Variants in RRP15 observed in about 807,000 individuals in gnomAD.
The protein encoded by RRP15 is RRP15-like protein.
In RRP15, 18 loss-of-function variants were observed where a neutral mutation model predicts 27.1. The observed-to-expected ratio is 0.66, with a 90% CI of 0.46 to 0.98. The LOEUF is 0.98. Ranked by LOEUF, RRP15 falls within the 50% of genes least tolerant of loss-of-function variation. RRP15 has a pLI of 0.00. For synonymous variants in RRP15, 107 were observed against 109.4 expected (o/e 0.98, Z 0.14); for missense variants, 359 against 337.8 (o/e 1.06, Z -0.49).
intron 1 of RRP15, among the ~76,000 whole-genome samples, chr1:218,286,243 A>T (rs1248859856): frequency 6.6e-6 from 1 of 152,160 alleles, no homozygotes; most frequent in African/African-American, 2.4e-5. Context: ...AGTATATAAT[A>T]TCCAAAATCC....
chr1:218,297,296 C>T (rs1655736365), intron 1 of RRP15, among the ~76,000 whole-genome samples: 1 of 152,124 alleles, frequency 6.6e-6, no homozygotes, highest in Non-Finnish European at 1.5e-5. Flanking sequence ...ATTCAAGATT[C>T]CCAGTACCAG....
chr1:218,302,396 A>G lies in RRP15; in HGVS notation c.242A>G (p.Asp81Gly). Residue 81 changes from aspartate (D) to glycine (G), a missense_variant, in exon 2 of 5, where the codon GAT becomes GGT. Coordinates refer to ENST00000366932, the MANE Select transcript of RRP15 (RefSeq NM_016052.4). ...AEPCDKENEN[D>G]GESSVGTNMG... is the part of the protein sequence containing the mutation. ...CCCTGTGACAAAGAAAATGAAAATG[A>G]TGGAGAATCAAGTGTTGGGACTAAT... 1 of 1,614,154 alleles carries G rather than the reference A, an allele frequency of 6.2e-7. No homozygotes were observed. The highest frequency in any genetic ancestry group is 8.5e-7 in the Non-Finnish European group (1 of 1,180,014).
chr1:218,302,416 A>T lies in RRP15; in HGVS notation c.262A>T (p.Thr88Ser). 6.2e-7 allele frequency: 1 copy of T among 1,614,060 alleles called. No homozygotes were observed. Among genetic ancestry groups the T allele is most frequent in the Non-Finnish European group, 8.5e-7 (1 of 1,179,976 alleles). ...NENDGESSVGTNMGWADAMAK... is the reference protein window; with the variant it reads ...NENDGESSVGSNMGWADAMAK... ...AAATGATGGAGAATCAAGTGTTGGG[A>T]CTAATATGGGCTGGGCAGATGCTAT... Residue 88 changes from threonine to serine, a missense_variant, in exon 2 of 5, where the codon ACT becomes TCT. Transcript: ENST00000366932.
intron 4 of RRP15, among the ~76,000 whole-genome samples, chr1:218,318,024 C>T: frequency 6.6e-6 from 1 of 152,000 alleles, no homozygotes. Flanking sequence ...CGTGAACTCC[C>T]AGCTCTTTTA....
intron 4 of RRP15, among the ~76,000 whole-genome samples, chr1:218,309,752 G>A (rs1655963712): frequency 1.4e-5 from 2 of 145,054 alleles, no homozygotes. Flanking sequence ...TATCCTTGTT[G>A]TGTCCTTTAA....
At chr1:218,308,260 C>CG (rs1157547160) in intron 4 of RRP15, among the ~76,000 whole-genome samples, 1 of 151,264 alleles carries the variant, frequency 6.6e-6, no homozygotes, top group African/African-American at 2.4e-5. Context: ...TTAGTAGAGA[C>CG]GGGGTTTCAC....
rs1285375927 is a variant in RRP15, at chr1:218,332,751, T to C, written c.*1660T>C. 1 of 152,114 alleles carries C rather than the reference T, an allele frequency of 6.6e-6. No homozygotes were observed. Among genetic ancestry groups the C allele is most frequent in the African/African-American group, 2.4e-5 (1 of 41,416 alleles). 9.4% of individuals were successfully genotyped at this position (152,114 alleles called of 1,614,324 possible). ...TTCTAACTTTTGAACATTAGTGTCTTTCAGTATAAATAAATGTGAACAAAT... is the reference window on the plus strand; with the variant it reads ...TTCTAACTTTTGAACATTAGTGTCTCTCAGTATAAATAAATGTGAACAAAT... On this transcript the variant is annotated 3_prime_UTR_variant, in exon 5 of 5. Coordinates refer to ENST00000366932, the MANE Select transcript of RRP15 (RefSeq NM_016052.4).
intron 4 of RRP15, among the ~76,000 whole-genome samples, chr1:218,307,877 A>G (rs1004600212): frequency 2.6e-5 from 4 of 151,970 alleles, no homozygotes; most frequent in African/African-American, 9.7e-5. Context: ...GACTTTACCC[A>G]TAGAGGGTGT....
chr1:218,320,543 A>G (rs377609380), intron 4 of RRP15, among the ~76,000 whole-genome samples: 1 of 152,172 alleles, frequency 6.6e-6, no homozygotes, highest in Admixed American at 6.5e-5. Context: ...AGGAAAATCA[A>G]TGTTGAATTA....
intron 3 of RRP15, among the ~76,000 whole-genome samples, chr1:218,307,127 TA>T (rs1163827077): frequency 6.6e-6 from 1 of 152,252 alleles, no homozygotes; most frequent in African/African-American, 2.4e-5. Context: ...ACTGAGGCAT[TA>T]TTTTTCCAAT....
At chr1:218,329,292 C>T (rs1037815768) in intron 4 of RRP15, among the ~76,000 whole-genome samples, 2 of 144,566 alleles carry the variant, frequency 1.4e-5, no homozygotes, top group Non-Finnish European at 1.5e-5. Context: ...TGATGGTGTG[C>T]ACCTGTAGTC....
chr1:218,310,998 C>T lies in RRP15; in HGVS notation c.705+3366C>T, dbSNP rs1342340584. Among the ~76,000 whole-genome samples, 3 of 152,118 alleles carry T rather than the reference C, an allele frequency of 2.0e-5. No individual in the cohort carries two copies. The East Asian group carries it at 5.8e-4, about 29-fold the overall frequency. On this transcript the variant is annotated intron_variant, in intron 4 of 4. Transcript: ENST00000366932. ...TCCTGACCTCAGGTGATCCGCCTGC[C>T]TCGGCCTCCCAAAGTGCTGGGATTA...
At chr1:218,307,766 G>T (rs569468906) in intron 4 of RRP15, 134 bp downstream of exon 4, 5 of 648,936 alleles carry the variant, frequency 7.7e-6, no homozygotes, top group Admixed American at 5.9e-5. Context: ...CTCCATGCCC[G>T]CAACCTTTAG....
chr1:218,319,133 C>T (rs890347945), intron 4 of RRP15, among the ~76,000 whole-genome samples: 2 of 151,688 alleles, frequency 1.3e-5, no homozygotes, highest in Admixed American at 6.6e-5. Flanking sequence ...AATCTCGGCT[C>T]GGCTCACTGC....
chr1:218,318,959 A>C (rs1018966138), intron 4 of RRP15, among the ~76,000 whole-genome samples: 4 of 152,108 alleles, frequency 2.6e-5, no homozygotes, highest in African/African-American at 9.7e-5. Context: ...TTTTCAAGAG[A>C]TGAATTAAAG....
At chr1:218,329,305 A>G (rs1266546080) in intron 4 of RRP15, among the ~76,000 whole-genome samples, 1 of 148,190 alleles carries the variant, frequency 6.7e-6, no homozygotes, top group Non-Finnish European at 1.5e-5. Context: ...CTGTAGTCCC[A>G]GCTACTCTGG....
rs994478806 is a variant in RRP15, at chr1:218,287,609, T to C, written c.139+2154T>C. ...ATAGTGTATTAGTATAATTAAAAGG[T>C]AGTTTTCAAGATCATGGTTCAATTT... On this transcript the variant is annotated intron_variant, in intron 1 of 4. Transcript: ENST00000366932. 2.6e-5 allele frequency among the ~76,000 whole-genome samples: 4 copies of C among 152,174 alleles called. No individual in the cohort carries two copies. The East Asian group carries it at 7.7e-4, about 29-fold the overall frequency.
intron 4 of RRP15, among the ~76,000 whole-genome samples, chr1:218,316,534 TATAACAC>T (rs1431504926): frequency 6.6e-6 from 1 of 152,156 alleles, no homozygotes; most frequent in Admixed American, 6.6e-5. Context: ...TGTGGGGATA[TATAACAC>T]ATAGTACTAA....
At chr1:218,310,098 G>C (rs1655968689) in intron 4 of RRP15, among the ~76,000 whole-genome samples, 1 of 152,152 alleles carries the variant, frequency 6.6e-6, no homozygotes, top group Non-Finnish European at 1.5e-5. Flanking sequence ...GCTAAATAAA[G>C]GAAGAGATTA....
Sources: gnomAD v4.1 joint callset for allele counts (sites outside exome capture counted in the v4.1 genomes callset) on GRCh38, gnomAD v4.1.1 for gene constraint, MANE v1.5 for transcripts, NCBI Gene and HGNC (gene_info 2026-07-23, HGNC 2026-07-21) for gene names.